Variants in TCF7L1 observed in about 807,000 individuals in gnomAD.
TCF7L1 encodes the protein transcription factor 7-like 1.
A neutral mutation model predicts 63.7 loss-of-function variants in TCF7L1; 18 were observed. The ratio of observed to expected loss-of-function variants is 0.28; its 90% CI spans 0.20 to 0.42. The LOEUF is 0.42. Among genes scored for constraint, TCF7L1 ranks in the 10% least tolerant of loss-of-function variants. The pLI is 1.00. For missense variants in TCF7L1, 654 were observed against 779.3 expected (o/e 0.84, Z 1.91); for synonymous variants, 355 against 340.9 (o/e 1.04, Z -0.46).
At chr2:85,249,308 C>T (rs966092406) in intron 3 of TCF7L1, among the ~76,000 whole-genome samples, 2 of 152,112 alleles carry the variant, frequency 1.3e-5, no homozygotes, top group African/African-American at 4.8e-5. Context: ...GTGTGGGCCC[C>T]GATTCTCGTG....
chr2:85,280,424 A>C (rs1223356022), intron 3 of TCF7L1, among the ~76,000 whole-genome samples: 3 of 152,166 alleles, frequency 2.0e-5, no homozygotes, highest in Non-Finnish European at 4.4e-5. Flanking sequence ...GGATTATTTA[A>C]GACCCAAAAC....
chr2:85,268,935 C>T (rs1194785967), intron 3 of TCF7L1, among the ~76,000 whole-genome samples: 1 of 152,028 alleles, frequency 6.6e-6, no homozygotes, highest in African/African-American at 2.4e-5. Flanking sequence ...CATTGCAAGA[C>T]AGTGGTAGTT....
At chr2:85,276,691 A>G (rs1349594914) in intron 3 of TCF7L1, among the ~76,000 whole-genome samples, 1 of 152,068 alleles carries the variant, frequency 6.6e-6, no homozygotes, top group African/African-American at 2.4e-5. Context: ...CAGATGTGGA[A>G]ACTGGGCCTA....
chr2:85,183,718 G>A (rs956293975), intron 3 of TCF7L1, among the ~76,000 whole-genome samples: 3 of 152,154 alleles, frequency 2.0e-5, no homozygotes, highest in Non-Finnish European at 4.4e-5. Context: ...TGTTTGGAGA[G>A]GCAAAAGCAA....
chr2:85,153,493 C>A (rs1414509341), intron 3 of TCF7L1, among the ~76,000 whole-genome samples: 1 of 151,910 alleles, frequency 6.6e-6, no homozygotes, highest in Non-Finnish European at 1.5e-5. Flanking sequence ...AGGTGCCCAC[C>A]ACCACGCCCG....
At chr2:85,261,375 A>G (rs377558752) in intron 3 of TCF7L1, among the ~76,000 whole-genome samples, 2 of 152,306 alleles carry the variant, frequency 1.3e-5, no homozygotes, top group South Asian at 2.1e-4. Flanking sequence ...AGCAGGCATT[A>G]AAAGGAAGAT....
At chr2:85,292,707 G>C (rs890144347) in intron 4 of TCF7L1, among the ~76,000 whole-genome samples, 27 of 152,182 alleles carry the variant, frequency 1.8e-4, no homozygotes, top group African/African-American at 6.3e-4. Flanking sequence ...CTCCCAAGTA[G>C]CTGGAACCAC....
chr2:85,138,680 G>A (rs571788750), intron 3 of TCF7L1, among the ~76,000 whole-genome samples: 19 of 152,248 alleles, frequency 1.2e-4, no homozygotes, highest in African/African-American at 3.6e-4. Context: ...GGTGGATTGG[G>A]CAGGGAATAG....
chr2:85,177,488 T>C (rs571981862), intron 3 of TCF7L1, among the ~76,000 whole-genome samples: 2 of 152,342 alleles, frequency 1.3e-5, no homozygotes, highest in African/African-American at 4.8e-5. Flanking sequence ...AAGGATCACT[T>C]GAGCCCAGGC....
intron 7 of TCF7L1, among the ~76,000 whole-genome samples, chr2:85,304,989 G>A (rs1312716137): frequency 6.6e-6 from 1 of 152,048 alleles, no homozygotes; most frequent in Non-Finnish European, 1.5e-5. Flanking sequence ...CAGTATGCCC[G>A]GGCCTCTGAC....
intron 3 of TCF7L1, among the ~76,000 whole-genome samples, chr2:85,270,674 G>A (rs1478243976): frequency 6.6e-6 from 1 of 152,032 alleles, no homozygotes; most frequent in Non-Finnish European, 1.5e-5. Context: ...CCAAGATTCC[G>A]AGATCAGTTG....
rs530066679 is a variant in TCF7L1, at chr2:85,135,056, C to T, written c.441+606C>T. ...AGTTGAGGAACTTGGCTTTTTCCCC[C>T]TTTTGTCGCCTGCTTTTCTCATTTA... On this transcript the variant is annotated intron_variant, in intron 3 of 11. Transcript: ENST00000282111. Among the ~76,000 whole-genome samples, 33 of 152,302 alleles carry T rather than the reference C, an allele frequency of 2.2e-4. No homozygotes were observed. The East Asian group carries it at 2.3e-3, about 11-fold the overall frequency.
At chr2:85,175,577 C>T (rs990271437) in intron 3 of TCF7L1, among the ~76,000 whole-genome samples, 17 of 152,212 alleles carry the variant, frequency 1.1e-4, no homozygotes, top group South Asian at 2.1e-4. Flanking sequence ...ACACCCTGTT[C>T]TTTGTCCTCT....
Position 85,133,896 on chromosome 2 carries a change from A to G in TCF7L1, c.212A>G (p.Asn71Ser), listed in dbSNP as rs1216144463. The G allele has an allele frequency of 1.3e-6, 2 of 1,521,842 alleles. No homozygotes were observed. Among genetic ancestry groups the G allele is most frequent in the Non-Finnish European group, 1.8e-6 (2 of 1,131,662 alleles). The allele number at this position is 1,521,842 out of a possible 1,614,324, so 94.3% of individuals were successfully genotyped here. ...GACGAGGTCAAGTCGTCCCTGGTCA[A>G]CGAGTCGGAGAACCAGAGCAGCAGC... ...DLDEVKSSLVNESENQSSSSD... is the reference protein window; with the variant it reads ...DLDEVKSSLVSESENQSSSSD... The change falls in exon 1 of 12, where the codon AAC (asparagine) becomes AGC (serine). Residue 71 changes from asparagine (N) to serine (S), a missense_variant. By Grantham distance (46) the Asn-to-Ser change is conservative. This residue lies in a region of TCF7L1 where 404 missense variants were observed against 454.8 expected (regional missense o/e 0.89). Transcript: ENST00000282111. This position sits in a 1 kb window ranked among gnomAD's most constrained non-coding sequence, Gnocchi z 4.4.
chr2:85,142,471 G>GTA (rs1313562788), intron 3 of TCF7L1, among the ~76,000 whole-genome samples: 22 of 141,808 alleles, frequency 1.6e-4, no homozygotes, highest in Non-Finnish European at 3.0e-4. Context: ...TGTGTTGTGT[G>GTA]TATATATATA....
intron 3 of TCF7L1, among the ~76,000 whole-genome samples, chr2:85,239,816 G>A (rs1239961328): frequency 1.3e-5 from 2 of 151,624 alleles, no homozygotes; most frequent in East Asian, 1.9e-4. Flanking sequence ...ATGGTGGCAC[G>A]CACCTGTTAA....
Position 85,206,883 on chromosome 2 carries a change from T to A in TCF7L1, c.441+72433T>A, listed in dbSNP as rs377265922. 3.2e-4 allele frequency among the ~76,000 whole-genome samples: 48 copies of A among 152,378 alleles called. No individual in the cohort carries two copies. The East Asian group carries it at 5.8e-3, about 18-fold the overall frequency. ...AAGATAATCCAATCTTTTAAGGATT[T>A]GTTTTTAGGACAATACACATTAAAT... On this transcript the variant is annotated intron_variant, in intron 3 of 11. Coordinates refer to ENST00000282111, the MANE Select transcript of TCF7L1 (RefSeq NM_031283.3).
chr2:85,150,565 T>C (rs548106997), intron 3 of TCF7L1, among the ~76,000 whole-genome samples: 1 of 151,906 alleles, frequency 6.6e-6, no homozygotes, highest in Admixed American at 6.6e-5. Context: ...ACAGGCCATT[T>C]ATTTTGCAGA....
chr2:85,142,530 G>C (rs1487372500), intron 3 of TCF7L1, among the ~76,000 whole-genome samples: 1 of 151,276 alleles, frequency 6.6e-6, no homozygotes, highest in Non-Finnish European at 1.5e-5. Context: ...CAATTTGTGT[G>C]TAGCTAGGGG....
Sources: gnomAD v4.1 joint callset for allele counts (sites outside exome capture counted in the v4.1 genomes callset) on GRCh38, gnomAD v4.1.1 for gene constraint, gnomAD v4.1.1 regional missense constraint, Gnocchi (gnomAD v3.1) non-coding constraint, MANE v1.5 for transcripts, NCBI Gene and HGNC (gene_info 2026-07-23, HGNC 2026-07-21) for gene names.